DMD: variants seen among roughly 807,000 people sequenced by gnomAD.
The protein encoded by DMD is dystrophin, also known as mutant dystrophin.
A neutral mutation model predicts 330.1 loss-of-function variants in DMD; 63 were observed. The ratio of observed to expected loss-of-function variants is 0.19; its 90% CI spans 0.16 to 0.24. The LOEUF (loss-of-function observed/expected upper bound fraction) is 0.24, where lower values mean the gene tolerates loss of function less well. Ranked by LOEUF, DMD falls within the 10% of genes least tolerant of loss-of-function variation. DMD has a pLI of 1.00. For synonymous variants in DMD, 1,223 were observed against 959.8 expected (o/e 1.27, Z -5.07); for missense variants, 3,344 against 2,684.1 (o/e 1.25, Z -5.43).
chrX:31,283,904 C>A (rs765423657), intron 62 of DMD, among the ~76,000 whole-genome samples: 5 of 111,628 alleles, frequency 4.5e-5, no homozygotes, highest in Non-Finnish European at 9.4e-5. Context: ...CTGCTCCAAC[C>A]CAGATACAGA....
chrX:31,125,616 C>T (rs1252963929), intron 78 of DMD, among the ~76,000 whole-genome samples: 2 of 111,677 alleles, frequency 1.8e-5, no homozygotes, highest in Non-Finnish European at 3.8e-5. Flanking sequence ...GTAAAGACAA[C>T]CTTGATTTTA....
intron 41 of DMD, among the ~76,000 whole-genome samples, chrX:32,335,423 T>C (rs2097700894): frequency 1.9e-5 from 2 of 104,940 alleles, no homozygotes; most frequent in African/African-American, 6.8e-5. Flanking sequence ...ATAACTTGTA[T>C]ATATATGTTA....
At chrX:31,414,818 G>GCACA (rs377360103) in intron 60 of DMD, among the ~76,000 whole-genome samples, 1 of 111,107 alleles carries the variant, frequency 9.0e-6, no homozygotes, top group African/African-American at 3.3e-5. Context: ...AAGCAGGCAT[G>GCACA]CACACACACA....
At chrX:31,693,532 C>T (rs181522187) in intron 52 of DMD, among the ~76,000 whole-genome samples, 6 of 111,727 alleles carry the variant, frequency 5.4e-5, no homozygotes, top group Non-Finnish European at 1.1e-4. Flanking sequence ...CCTAAGGACT[C>T]CACTGAAAAC....
intron 1 of DMD, among the ~76,000 whole-genome samples, chrX:33,062,821 C>T (rs1285236948): frequency 1.8e-5 from 2 of 112,393 alleles, no homozygotes; most frequent in Non-Finnish European, 3.8e-5. Context: ...CCCCACATGA[C>T]ATTAAGTTTT....
At chrX:32,355,778 G>A (rs189651803) in intron 37 of DMD, among the ~76,000 whole-genome samples, 1 of 110,746 alleles carries the variant, frequency 9.0e-6, no homozygotes, top group East Asian at 2.8e-4. Context: ...ATTACCTGAA[G>A]ATATTAGTTG....
intron 60 of DMD, among the ~76,000 whole-genome samples, chrX:31,350,465 T>C (rs966304701): frequency 8.9e-6 from 1 of 112,204 alleles, no homozygotes; most frequent in African/African-American, 3.2e-5. Context: ...AGGGACCATT[T>C]TTTGTTTACC....
At chrX:33,179,673 G>C (rs752758550) in intron 1 of DMD, among the ~76,000 whole-genome samples, 1 of 103,512 alleles carries the variant, frequency 9.7e-6, no homozygotes, top group African/African-American at 3.7e-5. Context: ...TAGCCTGGGT[G>C]ACAGAGCGAG....
chrX:32,963,553 G>T (rs1238897556), intron 2 of DMD, among the ~76,000 whole-genome samples: 1 of 112,313 alleles, frequency 8.9e-6, no homozygotes, highest in Non-Finnish European at 1.9e-5. Context: ...CACACAATAA[G>T]TAAGTTGTCA....
rs758028866 is a variant in DMD, at chrX:31,689,701, G to A, written c.7661-10115C>T. ...AAAAGAACAAAGCTGGAGGCATCAC[G>A]CTACCTGACTTCAAACTATACTACA... is the stretch of plus-strand genomic sequence containing the variant. On this transcript the variant is annotated intron_variant, in intron 52 of 78. Transcript: ENST00000357033. Among the ~76,000 whole-genome samples the A allele has an allele frequency of 1.6e-4, 18 of 111,237 alleles. No individual in the cohort carries two copies. In the South Asian group the frequency reaches 4.2e-3, roughly 26 times the overall value.
At chrX:32,872,104 T>C (rs2083044175) in intron 2 of DMD, among the ~76,000 whole-genome samples, 1 of 111,347 alleles carries the variant, frequency 9.0e-6, no homozygotes, top group Admixed American at 9.5e-5. Context: ...GACTGAATGA[T>C]TACTTGTATC....
At chrX:33,026,221 G>GGT (rs2093995052) in intron 1 of DMD, among the ~76,000 whole-genome samples, 1 of 100,804 alleles carries the variant, frequency 9.9e-6, no homozygotes, top group Non-Finnish European at 2.0e-5. Context: ...TGTAGTCCCA[G>GGT]CTACTGGGGC....
intron 45 of DMD, among the ~76,000 whole-genome samples, chrX:31,942,034 A>G (rs1221878921): frequency 1.8e-5 from 2 of 111,773 alleles, no homozygotes; most frequent in Non-Finnish European, 3.8e-5. Context: ...GTGTTCTTTT[A>G]AATATATACC....
intron 20 of DMD, among the ~76,000 whole-genome samples, chrX:32,488,897 T>C (rs892576217): frequency 9.0e-6 from 1 of 111,054 alleles, no homozygotes; most frequent in South Asian, 3.9e-4. Context: ...ATTCAGGTGC[T>C]TGGCCTTTAT....
At chrX:31,235,680 A>T (rs2047658113) in intron 63 of DMD, among the ~76,000 whole-genome samples, 1 of 112,488 alleles carries the variant, frequency 8.9e-6, no homozygotes, top group African/African-American at 3.2e-5. Context: ...TTTTCTTCAA[A>T]TAATATAATT....
chrX:32,689,060 A>T lies in DMD; in HGVS notation c.960+8810T>A, dbSNP rs372329411. On this transcript the variant is annotated intron_variant, in intron 9 of 78. Transcript: ENST00000357033. ...ATCAGAAATAATAAATGTAAATTAC[A>T]TGCTAGGCATTTAACATATTTCCTA... is the stretch of plus-strand genomic sequence containing the variant. Among the ~76,000 whole-genome samples the T allele has an allele frequency of 7.2e-5, 8 of 111,453 alleles. No homozygotes were observed. In the East Asian group the frequency reaches 1.4e-3, roughly 20 times the overall value.
intron 7 of DMD, among the ~76,000 whole-genome samples, chrX:32,727,700 T>G (rs2067047494): frequency 2.7e-5 from 3 of 111,125 alleles, no homozygotes; most frequent in Admixed American, 9.6e-5. Context: ...TGATTTTCTC[T>G]TAAATATAAA....
Position 31,165,639 on chromosome X carries a change from G to A in DMD, c.10553+3804C>T, listed in dbSNP as rs569868454. Reference sequence around the variant, plus strand: ...CAGGAGACTGAAGGCTTTAATCAACGCAAGAAAAAAAAGTAAACCTTGAGT... The same window carrying A: ...CAGGAGACTGAAGGCTTTAATCAACACAAGAAAAAAAAGTAAACCTTGAGT... On this transcript the variant is annotated intron_variant, in intron 74 of 78. Transcript: ENST00000357033. Among the ~76,000 whole-genome samples the A allele has an allele frequency of 6.9e-4, 77 of 111,410 alleles. No homozygotes were observed. The South Asian group carries it at 0.022, about 32-fold the overall frequency.
intron 1 of DMD, among the ~76,000 whole-genome samples, chrX:33,246,877 G>A (rs143599606): frequency 0.027 from 2,936 of 109,618 alleles, 107 homozygotes; most frequent in African/African-American, 0.093. Flanking sequence ...GTAGAGACGG[G>A]GCTTCACCAT....
Sources: gnomAD v4.1 joint callset for allele counts (sites outside exome capture counted in the v4.1 genomes callset) on GRCh38, gnomAD v4.1.1 for gene constraint, MANE v1.5 for transcripts, NCBI Gene and HGNC (gene_info 2026-07-23, HGNC 2026-07-21) for gene names.